CYTH4: variants seen among roughly 807,000 people sequenced by gnomAD.
CYTH4 encodes cytohesin-4.
In CYTH4, 22 loss-of-function variants were observed where a neutral mutation model predicts 57.5. The ratio of observed to expected loss-of-function variants is 0.38; its 90% CI spans 0.27 to 0.55. The LOEUF (loss-of-function observed/expected upper bound fraction) is 0.55. Ranked by LOEUF, CYTH4 falls within the 20% of genes least tolerant of loss-of-function variation. CYTH4 has a pLI of 0.74. For missense variants in CYTH4, 420 were observed against 535.6 expected, an observed-to-expected ratio of 0.78 and a Z score of 2.13; for synonymous variants, 186 against 206.5, an observed-to-expected ratio of 0.90 and a Z score of 0.85.
At position 37,295,355 on chromosome 22, in the gene CYTH4, C is replaced by A. The variant is rs1928915925; in HGVS notation, c.167+631C>A. Among the ~76,000 whole-genome samples the A allele has an allele frequency of 6.6e-6, 1 of 151,936 alleles. No homozygotes were observed. The highest frequency in any genetic ancestry group is 6.6e-5 in the Admixed American group (1 of 15,242). On this transcript the variant is annotated intron_variant, in intron 3 of 12. Transcript: ENST00000248901. The surrounding 1 kb of genome is among the most constrained non-coding windows in gnomAD (Gnocchi z 4.1). The stretch of plus-strand genomic sequence containing the variant: ...CTTAGGTCTCCACCTGTCCAGCCTC[C>A]TCCCCTCCCCCACCACACACATGCA...
Position 37,314,292 on chromosome 22 carries a change from T to C in CYTH4, c.*781T>C. On this transcript the variant is annotated 3_prime_UTR_variant, in exon 13 of 13. Transcript: ENST00000248901. ...AGGCTGACTCCGGATTCAACGTTGC[T>C]GGGGAGAGAAAAGCAGTATAGACTC... The C allele has an allele frequency of 2.5e-6, 1 of 398,698 alleles. No individual in the cohort carries two copies. The highest frequency in any genetic ancestry group is 1.3e-4 in the South Asian group (1 of 7,854). 24.7% of individuals were successfully genotyped at this position (398,698 alleles called of 1,614,324 possible). A position where few individuals can be genotyped will look rare whatever the true frequency, so the allele number is the denominator to read the frequency against.
chr22:37,297,050 G>A (rs1003914266), intron 4 of CYTH4, among the ~76,000 whole-genome samples: 2 of 152,222 alleles, frequency 1.3e-5, no homozygotes, highest in East Asian at 3.8e-4. Flanking sequence ...CACATAGAAA[G>A]GGAAGGAAGG....
At chr22:37,297,890 C>T (rs550510571) in intron 5 of CYTH4, 52 of 468,172 alleles carry the variant, frequency 1.1e-4, no homozygotes, top group African/African-American at 9.5e-4. Context: ...ATAAATGTTG[C>T]TCAGGGTCTA....
At chr22:37,308,551 AGT>A (rs1449743043) in intron 8 of CYTH4, among the ~76,000 whole-genome samples, 1 of 143,694 alleles carries the variant, frequency 7.0e-6, no homozygotes, top group Non-Finnish European at 1.5e-5. Context: ...TATGTGTGTA[AGT>A]GTGCGTGTGT....
In CYTH4 at chr22:37,312,191, T is replaced by C; in HGVS notation, c.1112+17T>C. 6.2e-7 allele frequency: 1 copy of C among 1,608,872 alleles called. No individual in the cohort carries two copies. The highest frequency in any genetic ancestry group is 8.5e-7 in the Non-Finnish European group (1 of 1,175,620). On this transcript the variant is annotated intron_variant, in intron 12 of 12. Coordinates refer to ENST00000248901, the MANE Select transcript of CYTH4 (RefSeq NM_013385.5). ...GTCCATCCGGTAAGGGGTGCCCAGG[T>C]CTGGGGACGGCTTCCCGTCACCTTC... is the stretch of plus-strand genomic sequence containing the variant.
Position 37,311,370 on chromosome 22 carries a change from T to C in CYTH4, c.886-86T>C. ...GAAGATGAGCACGCTCCTCTTTGAG[T>C]TTGGGGAACCCCACACGTTCACACC... On this transcript the variant is annotated intron_variant, in intron 10 of 12. Coordinates refer to ENST00000248901, the MANE Select transcript of CYTH4 (RefSeq NM_013385.5). This position sits in a 1 kb window ranked among gnomAD's most constrained non-coding sequence, Gnocchi z 4.4. The C allele has an allele frequency of 2.5e-6, 3 of 1,219,174 alleles. No individual in the cohort carries two copies. Among genetic ancestry groups the C allele is most frequent in the Non-Finnish European group, 2.4e-6 (2 of 827,594 alleles). The allele number at this position is 1,219,174 out of a possible 1,614,324, so 75.5% of individuals were successfully genotyped here.
intron 12 of CYTH4, 26 bp downstream of exon 12, chr22:37,312,200 G>C (rs544435585): frequency 1.2e-6 from 2 of 1,605,868 alleles, no homozygotes; most frequent in Non-Finnish European, 8.5e-7. Context: ...GTCTGGGGAC[G>C]GCTTCCCGTC....
chr22:37,292,872 C>T (rs1428604420), intron 2 of CYTH4, among the ~76,000 whole-genome samples, 169 bp downstream of exon 2: 1 of 152,162 alleles, frequency 6.6e-6, no homozygotes, highest in Non-Finnish European at 1.5e-5. Context: ...AGACTGCAGA[C>T]ACCCCGAGAC....
intron 8 of CYTH4, among the ~76,000 whole-genome samples, chr22:37,305,402 C>T (rs1030727737): frequency 1.3e-5 from 2 of 152,138 alleles, no homozygotes; most frequent in Admixed American, 6.6e-5. Context: ...AGGGAAAGAA[C>T]AGAGCGCTGG....
intron 8 of CYTH4, among the ~76,000 whole-genome samples, chr22:37,308,305 G>T (rs957362593): frequency 6.6e-6 from 1 of 152,228 alleles, no homozygotes; most frequent in Admixed American, 6.5e-5. Flanking sequence ...AAGAGAATAC[G>T]TGTGTTTGTG....
intron 4 of CYTH4, chr22:37,296,714 T>C (rs145062121): frequency 6.5e-6 from 1 of 153,558 alleles, no homozygotes; most frequent in Non-Finnish European, 1.5e-5. Context: ...GCCCAAAGTG[T>C]TATAACCATT....
Position 37,314,410 on chromosome 22 carries a change from A to C in CYTH4, c.*899A>C. The stretch of plus-strand genomic sequence containing the variant: ...CCCAGACAGATGGGACTCAAGCAGG[A>C]TGGGTGCTATATCCAAGAAGCCAAG... On this transcript the variant is annotated 3_prime_UTR_variant, in exon 13 of 13. Coordinates refer to ENST00000248901, the MANE Select transcript of CYTH4 (RefSeq NM_013385.5). 2.5e-6 allele frequency: 1 copy of C among 398,672 alleles called. No homozygotes were observed. The highest frequency in any genetic ancestry group is 4.4e-6 in the Non-Finnish European group (1 of 226,090). 24.7% of individuals were successfully genotyped at this position (398,672 alleles called of 1,614,324 possible). A position where few individuals can be genotyped will look rare whatever the true frequency, so the allele number is the denominator to read the frequency against.
intron 4 of CYTH4, chr22:37,296,745 C>G (rs1476768363): frequency 2.6e-5 from 4 of 153,138 alleles, no homozygotes; most frequent in Admixed American, 2.6e-4. Context: ...GGCTACAGAC[C>G]CTTGGACTCC....
At chr22:37,310,098 C>T (rs1929585718) in intron 9 of CYTH4, 1 of 442,916 alleles carries the variant, frequency 2.3e-6, no homozygotes, top group South Asian at 1.7e-5. Context: ...AACATTGAGC[C>T]TCCAGCACCT....
Position 37,311,970 on chromosome 22 carries a change from C to A in CYTH4, c.958-50C>A. On this transcript the variant is annotated intron_variant, in intron 11 of 12. Transcript: ENST00000248901. This position sits in a 1 kb window ranked among gnomAD's most constrained non-coding sequence, Gnocchi z 4.4. ...GGGCTTCTCTGAGCCTCCTGGAGGG[C>A]CCACCCAGCCTCCCTCTCTTCCCAC... The A allele has an allele frequency of 6.3e-7, 1 of 1,591,664 alleles. No homozygotes were observed.
At chr22:37,289,865 T>A (rs1285277424) in intron 1 of CYTH4, among the ~76,000 whole-genome samples, 4 of 152,178 alleles carry the variant, frequency 2.6e-5, no homozygotes, top group Non-Finnish European at 5.9e-5. Flanking sequence ...GAGCAGGCCA[T>A]CCTCCCGACC....
Position 37,294,649 on chromosome 22 carries a change from C to T in CYTH4, c.103-11C>T, listed in dbSNP as rs1928885479. ...CCTGACTCTCCCTGTCCTGCCCCTG[C>T]CACCCCACAGAAGCTGAAGGATGAG... On this transcript the variant is annotated splice_polypyrimidine_tract_variant and intron_variant, in intron 2 of 12. Transcript: ENST00000248901. The T allele has an allele frequency of 6.2e-7, 1 of 1,613,522 alleles. No homozygotes were observed. The highest frequency in any genetic ancestry group is 1.7e-4 in the Middle Eastern group (1 of 6,058).
chr22:37,302,616 G>A (rs1235705483), intron 7 of CYTH4, among the ~76,000 whole-genome samples: 2 of 152,156 alleles, frequency 1.3e-5, no homozygotes, highest in African/African-American at 4.8e-5. Flanking sequence ...GAGAGGTCAA[G>A]TACTTCCCAA....
chr22:37,296,005 G>A lies in CYTH4; in HGVS notation c.174G>A (p.Met58Ile), dbSNP rs369427195. The A allele has an allele frequency of 6.2e-7, 1 of 1,613,000 alleles. No homozygotes were observed. The highest frequency in any genetic ancestry group is 1.1e-5 in the South Asian group (1 of 90,770). Reference protein sequence around the residue: ...DCFESAEESRMAQKEKELCIG... With the variant: ...DCFESAEESRIAQKEKELCIG... Reference sequence around the variant, plus strand: ...GACGTCCTCATGTCCACAGCCGGATGGCCCAGAAGGAGAAGGAGCTGTGTA... The same window carrying A: ...GACGTCCTCATGTCCACAGCCGGATAGCCCAGAAGGAGAAGGAGCTGTGTA... Residue 58 changes from methionine to isoleucine, a missense_variant, in exon 4 of 13, where the codon ATG becomes ATA. By Grantham distance (10) the Met-to-Ile change is conservative. Coordinates refer to ENST00000248901, the MANE Select transcript of CYTH4 (RefSeq NM_013385.5).
Sources: gnomAD v4.1 joint callset for allele counts (sites outside exome capture counted in the v4.1 genomes callset) on GRCh38, gnomAD v4.1.1 for gene constraint, Gnocchi (gnomAD v3.1) non-coding constraint, MANE v1.5 for transcripts, NCBI Gene and HGNC (gene_info 2026-07-23, HGNC 2026-07-21) for gene names.